The following NCKAP5 variants were observed in gnomAD, a reference collection of about 807,000 sequenced individuals.
NCKAP5 encodes nck-associated protein 5.
Under a neutral mutation model 167.0 loss-of-function variants are expected in NCKAP5, and 92 were observed. The observed-to-expected ratio is 0.55, with a 90% CI of 0.47 to 0.66. NCKAP5 has a LOEUF of 0.66. Among genes scored for constraint, NCKAP5 ranks in the 30% least tolerant of loss-of-function variants. The probability of loss-of-function intolerance (pLI) is 0.00; values close to 1 mark genes in which losing one functional copy is unlikely to be tolerated. For synonymous variants in NCKAP5, 891 were observed against 877.4 expected (o/e 1.02, Z -0.27); for missense variants, 2,378 against 2,315.0 (o/e 1.03, Z -0.56).
chr2:132,749,217 T>G (rs1679900514), intron 16 of NCKAP5, among the ~76,000 whole-genome samples: 1 of 152,150 alleles, frequency 6.6e-6, no homozygotes, highest in African/African-American at 2.4e-5. Context: ...CTTTCTTACT[T>G]TGGAGACAGT....
At chr2:133,375,490 T>C (rs1441542901) in intron 3 of NCKAP5, among the ~76,000 whole-genome samples, 1 of 152,190 alleles carries the variant, frequency 6.6e-6, no homozygotes, top group African/African-American at 2.4e-5. Flanking sequence ...GTTTGTTAAA[T>C]AGGTAAATGT....
At chr2:132,995,244 T>G (rs1043357099) in intron 6 of NCKAP5, among the ~76,000 whole-genome samples, 6 of 152,218 alleles carry the variant, frequency 3.9e-5, no homozygotes, top group Non-Finnish European at 1.5e-5. Flanking sequence ...CTTTTAAATT[T>G]TTAAAAAACT....
At chr2:133,131,912 C>T (rs2082615285) in intron 5 of NCKAP5, among the ~76,000 whole-genome samples, 1 of 151,780 alleles carries the variant, frequency 6.6e-6, no homozygotes, top group Non-Finnish European at 1.5e-5. Flanking sequence ...GAAACATGGA[C>T]AAGTCACCAA....
chr2:132,688,830 AC>A (rs1031767297), intron 19 of NCKAP5, among the ~76,000 whole-genome samples: 1 of 151,924 alleles, frequency 6.6e-6, no homozygotes, highest in Non-Finnish European at 1.5e-5. Context: ...TACAAAAAAT[AC>A]AAAAATTAGC....
rs374808853 is a variant in NCKAP5, at chr2:133,547,204, A to C, written c.-62+11846T>G. On this transcript the variant is annotated intron_variant, in intron 2 of 19. Transcript: ENST00000409261. The stretch of plus-strand genomic sequence containing the variant: ...AAACGGCGCGCCACGAGATTATATC[A>C]CACACCTGGCTCGGAGGGTCCTACG... Among the ~76,000 whole-genome samples, 8 of 152,306 alleles carry C rather than the reference A, an allele frequency of 5.3e-5. No homozygotes were observed. The East Asian group carries it at 9.7e-4, about 18-fold the overall frequency.
intron 4 of NCKAP5, among the ~76,000 whole-genome samples, chr2:133,236,150 A>G (rs1200101324): frequency 6.7e-6 from 1 of 148,290 alleles, no homozygotes; most frequent in Non-Finnish European, 1.5e-5. Flanking sequence ...AGCTTCAGGT[A>G]TGAGTCATAG....
At chr2:132,892,488 A>G (rs1574539599) in intron 8 of NCKAP5, among the ~76,000 whole-genome samples, 1 of 152,210 alleles carries the variant, frequency 6.6e-6, no homozygotes, top group East Asian at 1.9e-4. Context: ...AGGGTGGACT[A>G]GAGTGGATTT....
intron 11 of NCKAP5, among the ~76,000 whole-genome samples, chr2:132,840,775 A>G (rs1481651395): frequency 6.6e-6 from 1 of 152,100 alleles, no homozygotes; most frequent in African/African-American, 2.4e-5. Flanking sequence ...GTATGTTTTG[A>G]TACATTTTAC....
chr2:132,675,841 T>TAAAAAA (rs554167462), intron 19 of NCKAP5, among the ~76,000 whole-genome samples: 7 of 140,698 alleles, frequency 5.0e-5, no homozygotes, highest in African/African-American at 1.8e-4. Context: ...GACCATTATT[T>TAAAAAA]AAAAAAAAAA....
chr2:133,400,870 C>T (rs972582973), intron 3 of NCKAP5, among the ~76,000 whole-genome samples: 1 of 152,084 alleles, frequency 6.6e-6, no homozygotes, highest in Non-Finnish European at 1.5e-5. Context: ...TATCCCTGCT[C>T]CCTGGCACAG....
chr2:133,201,648 A>G (rs1003580875), intron 5 of NCKAP5, among the ~76,000 whole-genome samples: 1 of 152,196 alleles, frequency 6.6e-6, no homozygotes, highest in Non-Finnish European at 1.5e-5. Context: ...AAGACCATAT[A>G]AACTCATCAA....
intron 6 of NCKAP5, among the ~76,000 whole-genome samples, chr2:133,060,231 C>T (rs756790543): frequency 6.6e-6 from 1 of 152,090 alleles, no homozygotes; most frequent in Non-Finnish European, 1.5e-5. Flanking sequence ...ATGACAAGTT[C>T]TTTTCTTTCA....
chr2:133,200,206 C>A (rs2085625572), intron 5 of NCKAP5, among the ~76,000 whole-genome samples: 1 of 151,524 alleles, frequency 6.6e-6, no homozygotes, highest in African/African-American at 2.4e-5. Flanking sequence ...CTAAAGTTTA[C>A]TATAGTAGTA....
chr2:133,283,795 G>T (rs2090011478), intron 4 of NCKAP5, among the ~76,000 whole-genome samples: 1 of 152,050 alleles, frequency 6.6e-6, no homozygotes, highest in Non-Finnish European at 1.5e-5. Flanking sequence ...ATTTTTAGTA[G>T]AGATAGGGTT....
At chr2:133,023,308 T>C (rs2078589922) in intron 6 of NCKAP5, among the ~76,000 whole-genome samples, 1 of 152,234 alleles carries the variant, frequency 6.6e-6, no homozygotes, top group Non-Finnish European at 1.5e-5. Flanking sequence ...TCATACTGTC[T>C]CTTAGACCTG....
At chr2:133,240,870 T>C (rs779957257) in intron 4 of NCKAP5, among the ~76,000 whole-genome samples, 10 of 152,222 alleles carry the variant, frequency 6.6e-5, no homozygotes, top group Non-Finnish European at 1.3e-4. Context: ...GATAGGAGAT[T>C]AATCTTATTT....
At chr2:132,767,536 G>T (rs779233994) in intron 16 of NCKAP5, among the ~76,000 whole-genome samples, 1 of 152,150 alleles carries the variant, frequency 6.6e-6, no homozygotes, top group Non-Finnish European at 1.5e-5. Flanking sequence ...GAGCCACCGC[G>T]CCTGGCCTGA....
Position 132,672,856 on chromosome 2 carries a change from C to T in NCKAP5, c.*433G>A, listed in dbSNP as rs1020995666. 16 of 503,284 alleles carry T rather than the reference C, an allele frequency of 3.2e-5. No individual in the cohort carries two copies. The highest frequency in any genetic ancestry group is 1.3e-4 in the African/African-American group (6 of 47,540). 31.2% of individuals were successfully genotyped at this position (503,284 alleles called of 1,614,324 possible). ...CAATAAATGGAGTCTATCTTTATTG[C>T]CCTGTCAGAGAAATAAGCTCTGGTG... On this transcript the variant is annotated 3_prime_UTR_variant, in exon 20 of 20. Coordinates refer to ENST00000409261, the MANE Select transcript of NCKAP5 (RefSeq NM_207363.3).
At chr2:133,034,719 T>C (rs1339426213) in intron 6 of NCKAP5, among the ~76,000 whole-genome samples, 1 of 152,040 alleles carries the variant, frequency 6.6e-6, no homozygotes, top group Non-Finnish European at 1.5e-5. Context: ...TGGTTATAAA[T>C]AGTATTTGCA....
Sources: gnomAD v4.1 joint callset for allele counts (sites outside exome capture counted in the v4.1 genomes callset) on GRCh38, gnomAD v4.1.1 for gene constraint, MANE v1.5 for transcripts, NCBI Gene and HGNC (gene_info 2026-07-23, HGNC 2026-07-21) for gene names.